The following PDE11A variants were observed in gnomAD, a reference collection of about 807,000 sequenced individuals.
The protein encoded by PDE11A is phosphodiesterase 11A.
PDE11A carries 100 observed loss-of-function variants against 100.5 expected under a neutral mutation model. The observed-to-expected ratio is 1.00, with a 90% CI of 0.85 to 1.18. PDE11A has a LOEUF of 1.18. Among genes scored for constraint, PDE11A ranks in the 50% most tolerant of loss-of-function variants. The probability of loss-of-function intolerance (pLI) is 0.00; values close to 1 mark genes in which losing one functional copy is unlikely to be tolerated. For synonymous variants in PDE11A, 381 were observed against 420.8 expected (o/e 0.91, Z 1.16); for missense variants, 1,141 against 1,152.6 (o/e 0.99, Z 0.15).
chr2:177,927,183 A>C (rs961415884), intron 2 of PDE11A, among the ~76,000 whole-genome samples: 1 of 152,212 alleles, frequency 6.6e-6, no homozygotes, highest in Non-Finnish European at 1.5e-5. Flanking sequence ...TCTTCCTTTC[A>C]ATCATTAATT....
At chr2:178,026,387 C>T (rs76418525) in intron 1 of PDE11A, among the ~76,000 whole-genome samples, 25,721 of 152,064 alleles carry the variant, frequency 0.17, 2,419 homozygotes, top group Middle Eastern at 0.28. Flanking sequence ...TTTGACCGGG[C>T]GCTGTGGCCA....
At chr2:177,720,949 G>A (rs1027399684) in intron 12 of PDE11A, among the ~76,000 whole-genome samples, 5 of 152,042 alleles carry the variant, frequency 3.3e-5, no homozygotes, top group Admixed American at 2.0e-4. Context: ...CCTCAACTAC[G>A]GTTGCAAGTG....
At chr2:177,687,552 C>T (rs1460145780) in intron 15 of PDE11A, 3 of 152,010 alleles carry the variant, frequency 2.0e-5, no homozygotes, top group Non-Finnish European at 4.4e-5. Context: ...ATTATTATAC[C>T]ACTGTCTATT....
intron 13 of PDE11A, among the ~76,000 whole-genome samples, chr2:177,701,615 A>G (rs564198381): frequency 8.9e-4 from 135 of 152,346 alleles, no homozygotes; most frequent in African/African-American, 3.1e-3. Context: ...CTGAGGAAAA[A>G]AAGACATAAT....
rs761396622 is a variant in PDE11A, at chr2:177,660,111, CTT to C, written c.2646+3753_2646+3754del. On this transcript the variant is annotated intron_variant, in intron 19 of 19. Transcript: ENST00000286063. ...TCTTTCTTTCTTTCTCTCTCTCTCT[CTT>C]TCTTTCTTTCTTTCTTTCATTCCTT... Among the ~76,000 whole-genome samples the C allele has an allele frequency of 1.3e-3, 124 of 94,142 alleles. 2 individuals carry two copies. The highest frequency in any genetic ancestry group is 1.5e-3 in the East Asian group (4 of 2,718). The allele number at this position is 94,142 out of a possible 152,430, so 61.8% of individuals were successfully genotyped here.
chr2:177,748,332 T>A (rs2105473823), intron 10 of PDE11A, among the ~76,000 whole-genome samples: 1 of 152,136 alleles, frequency 6.6e-6, no homozygotes, highest in East Asian at 1.9e-4. Flanking sequence ...CATACAGGAG[T>A]CCTGCATGCT....
At chr2:177,675,692 A>G (rs2080762738) in intron 16 of PDE11A, 174 bp from the exon 17 acceptor site, 1 of 702,902 alleles carries the variant, frequency 1.4e-6, no homozygotes, top group Non-Finnish European at 2.7e-6. Flanking sequence ...CATCTCCATC[A>G]TGTGGCCACG....
chr2:177,793,798 C>G (rs1269818440), intron 9 of PDE11A, among the ~76,000 whole-genome samples: 1 of 152,138 alleles, frequency 6.6e-6, no homozygotes, highest in Admixed American at 6.5e-5. Context: ...CTGACTTGCT[C>G]CGGTGTCTAG....
intron 2 of PDE11A, among the ~76,000 whole-genome samples, chr2:178,095,475 T>G (rs1205890201): frequency 6.6e-6 from 1 of 152,222 alleles, no homozygotes; most frequent in Admixed American, 6.5e-5. Context: ...GGTACAGCCC[T>G]GCTCCTGGCT....
intron 9 of PDE11A, among the ~76,000 whole-genome samples, chr2:177,787,625 T>C (rs2082557426): frequency 6.6e-6 from 1 of 150,552 alleles, no homozygotes; most frequent in Non-Finnish European, 1.5e-5. Context: ...CCCATCAGTG[T>C]GCTGTATTCA....
At chr2:177,823,847 G>C (rs2083184733) in intron 6 of PDE11A, among the ~76,000 whole-genome samples, 1 of 152,148 alleles carries the variant, frequency 6.6e-6, no homozygotes. Flanking sequence ...TTGGGTTTGA[G>C]GCAGCACCAA....
chr2:177,659,603 C>A (rs566637994), intron 19 of PDE11A, among the ~76,000 whole-genome samples: 1 of 152,192 alleles, frequency 6.6e-6, no homozygotes, highest in Admixed American at 6.5e-5. Flanking sequence ...GCACCACTGA[C>A]ATTCTAGGTA....
At chr2:177,935,272 C>A (rs2085257684) in intron 2 of PDE11A, among the ~76,000 whole-genome samples, 1 of 152,176 alleles carries the variant, frequency 6.6e-6, no homozygotes, top group Non-Finnish European at 1.5e-5. Context: ...CACCTCAACT[C>A]TTACCCACCA....
chr2:177,761,740 C>T (rs2082172802), intron 10 of PDE11A, among the ~76,000 whole-genome samples: 1 of 152,044 alleles, frequency 6.6e-6, no homozygotes, highest in African/African-American at 2.4e-5. Flanking sequence ...TGGGTGCAAA[C>T]ATATAAAAGG....
At chr2:178,079,456 C>A (rs576123863) in intron 2 of PDE11A, among the ~76,000 whole-genome samples, 1 of 152,234 alleles carries the variant, frequency 6.6e-6, no homozygotes, top group African/African-American at 2.4e-5. Context: ...GATGTCTCTG[C>A]AAAGTACATG....
At chr2:177,855,919 C>T (rs1164243884) in intron 5 of PDE11A, among the ~76,000 whole-genome samples, 2 of 145,958 alleles carry the variant, frequency 1.4e-5, no homozygotes, top group African/African-American at 2.5e-5. Context: ...CACACACACA[C>T]ACACACACAC....
At chr2:177,752,343 TAAC>T (rs2082037019) in intron 10 of PDE11A, among the ~76,000 whole-genome samples, 3 of 152,320 alleles carry the variant, frequency 2.0e-5, no homozygotes, top group Middle Eastern at 6.8e-3. Flanking sequence ...CTTATAATGG[TAAC>T]AACATGAGCT....
At chr2:177,932,065 G>A (rs2085215090) in intron 2 of PDE11A, among the ~76,000 whole-genome samples, 1 of 152,074 alleles carries the variant, frequency 6.6e-6, no homozygotes, top group Non-Finnish European at 1.5e-5. Context: ...AAATCTAGAG[G>A]AAATGAATAT....
At chr2:177,673,362 G>C (rs377154885) in intron 17 of PDE11A, among the ~76,000 whole-genome samples, 35 of 152,266 alleles carry the variant, frequency 2.3e-4, no homozygotes, top group African/African-American at 8.2e-4. Context: ...AAGGTCAAGG[G>C]AAAAAGGAAC....
Sources: gnomAD v4.1 joint callset for allele counts (sites outside exome capture counted in the v4.1 genomes callset) on GRCh38, gnomAD v4.1.1 for gene constraint, MANE v1.5 for transcripts, NCBI Gene and HGNC (gene_info 2026-07-23, HGNC 2026-07-21) for gene names.